Variants in AGBL1 observed in about 807,000 individuals in gnomAD.
AGBL1 encodes AGBL carboxypeptidase 1.
Under a neutral mutation model 118.9 loss-of-function variants are expected in AGBL1, and 130 were observed. That is an observed-to-expected ratio of 1.09 (90% CI 0.95 to 1.26). The LOEUF (loss-of-function observed/expected upper bound fraction) is 1.26, where lower values mean the gene tolerates loss of function less well. Among genes scored for constraint, AGBL1 ranks in the 50% most tolerant of loss-of-function variants. The pLI, the probability that AGBL1 is intolerant of heterozygous loss-of-function variation, is 0.00. For synonymous variants in AGBL1, 555 were observed against 478.9 expected (o/e 1.16, Z -2.08); for missense variants, 1,584 against 1,298.1 (o/e 1.22, Z -3.38).
chr15:86,786,139 G>T (rs2078409341), intron 22 of AGBL1, among the ~76,000 whole-genome samples: 1 of 151,964 alleles, frequency 6.6e-6, no homozygotes, highest in African/African-American at 2.4e-5. Flanking sequence ...AAGTTTTAGG[G>T]TACATGTGCA....
chr15:86,150,357 T>C (rs1368158105), intron 3 of AGBL1, among the ~76,000 whole-genome samples: 1 of 151,698 alleles, frequency 6.6e-6, no homozygotes, highest in Non-Finnish European at 1.5e-5. Flanking sequence ...TTTGAAAACA[T>C]CAACAAAATT....
intron 22 of AGBL1, among the ~76,000 whole-genome samples, chr15:86,773,797 G>A (rs900388342): frequency 4.0e-5 from 6 of 151,898 alleles, no homozygotes; most frequent in Admixed American, 2.0e-4. Context: ...GAAAAAAGCA[G>A]AGCAGCTAGG....
At chr15:86,793,229 C>A (rs1253753906) in intron 22 of AGBL1, among the ~76,000 whole-genome samples, 3 of 152,130 alleles carry the variant, frequency 2.0e-5, no homozygotes, top group Admixed American at 6.5e-5. Context: ...AAATCTGATG[C>A]TCAAAGAATG....
intron 17 of AGBL1, among the ~76,000 whole-genome samples, chr15:86,341,861 C>T (rs4887221): frequency 0.77 from 116,814 of 151,796 alleles, 45,602 homozygotes; most frequent in African/African-American, 0.8. Context: ...AATAGTAACA[C>T]TTTTTTTTAA....
intron 21 of AGBL1, among the ~76,000 whole-genome samples, chr15:86,660,322 C>G (rs1301009573): frequency 6.6e-6 from 1 of 151,984 alleles, no homozygotes; most frequent in Non-Finnish European, 1.5e-5. Context: ...ATTGCTACAG[C>G]TATACATAAA....
intron 22 of AGBL1, among the ~76,000 whole-genome samples, chr15:86,896,835 G>A (rs1307688855): frequency 1.3e-5 from 2 of 151,896 alleles, no homozygotes; most frequent in Non-Finnish European, 2.9e-5. Context: ...TTATAACATA[G>A]TTCTGTGCTC....
intron 21 of AGBL1, among the ~76,000 whole-genome samples, chr15:86,610,225 T>G (rs553478098): frequency 6.6e-6 from 1 of 152,334 alleles, no homozygotes; most frequent in South Asian, 2.1e-4. Flanking sequence ...GTGATATATG[T>G]GGATAGTTGA....
intron 21 of AGBL1, among the ~76,000 whole-genome samples, chr15:86,638,250 G>A (rs1434738015): frequency 6.6e-6 from 1 of 152,186 alleles, no homozygotes. Flanking sequence ...ATTGTGTTTT[G>A]TGTAGTGACC....
intron 6 of AGBL1, among the ~76,000 whole-genome samples, chr15:86,231,598 C>A (rs1461773634): frequency 6.6e-6 from 1 of 152,152 alleles, no homozygotes; most frequent in African/African-American, 2.4e-5. Flanking sequence ...AAATATCTAC[C>A]ATTTAGCAAG....
chr15:86,549,378 C>A (rs994772190), intron 20 of AGBL1, among the ~76,000 whole-genome samples: 2 of 152,100 alleles, frequency 1.3e-5, no homozygotes, highest in Middle Eastern at 3.4e-3. Flanking sequence ...ATTGTATAAC[C>A]ACTAGGCCAA....
intron 22 of AGBL1, among the ~76,000 whole-genome samples, chr15:86,879,264 A>G (rs912356738): frequency 3.3e-5 from 5 of 152,200 alleles, no homozygotes; most frequent in Admixed American, 6.5e-5. Context: ...GACCCAGGTC[A>G]ACGCAGGGCT....
chr15:86,978,812 G>A (rs6496378), intron 23 of AGBL1, among the ~76,000 whole-genome samples: 111,176 of 152,068 alleles, frequency 0.73, 40,757 homozygotes, highest in South Asian at 0.86. Flanking sequence ...CTCTTACTAT[G>A]TCTTGTCATC....
intron 24 of AGBL1, among the ~76,000 whole-genome samples, chr15:87,010,225 A>G (rs1567285567): frequency 2.0e-5 from 3 of 152,128 alleles, no homozygotes; most frequent in South Asian, 2.1e-4. Flanking sequence ...ATGATAGTGA[A>G]TAAGTCTCAT....
chr15:86,402,191 T>G (rs570496254), intron 18 of AGBL1, among the ~76,000 whole-genome samples: 5 of 151,764 alleles, frequency 3.3e-5, no homozygotes, highest in South Asian at 2.1e-4. Context: ...TTCTAGGTTA[T>G]TTATTTATTT....
chr15:86,449,713 A>G (rs1169692177), intron 18 of AGBL1, among the ~76,000 whole-genome samples: 2 of 152,202 alleles, frequency 1.3e-5, no homozygotes, highest in Non-Finnish European at 2.9e-5. Flanking sequence ...AGCTGGGACT[A>G]GGCAGCAGAA....
At chr15:86,214,543 C>A (rs2078153647) in intron 5 of AGBL1, among the ~76,000 whole-genome samples, 1 of 152,136 alleles carries the variant, frequency 6.6e-6, no homozygotes, top group Non-Finnish European at 1.5e-5. Context: ...GTAATGTTTG[C>A]CTTAAGTGCT....
At chr15:86,819,951 C>T (rs959276229) in intron 22 of AGBL1, among the ~76,000 whole-genome samples, 58 of 152,162 alleles carry the variant, frequency 3.8e-4, no homozygotes, top group African/African-American at 1.4e-3. Flanking sequence ...GATATATAGA[C>T]CAATGGAACA....
chr15:86,949,600 G>T (rs2141668223), intron 23 of AGBL1, among the ~76,000 whole-genome samples: 1 of 151,916 alleles, frequency 6.6e-6, no homozygotes, highest in African/African-American at 2.4e-5. Flanking sequence ...AAAAAGAAAG[G>T]GGTTACATAA....
intron 23 of AGBL1, among the ~76,000 whole-genome samples, chr15:86,956,396 A>G (rs1162085346): frequency 6.6e-6 from 1 of 152,152 alleles, no homozygotes; most frequent in East Asian, 1.9e-4. Flanking sequence ...GATAAATTCT[A>G]AGACATTGGC....
Sources: allele counts gnomAD v4.1 joint callset (sites outside exome capture counted in the v4.1 genomes callset), GRCh38; gene constraint gnomAD v4.1.1; transcripts MANE v1.5; gene names NCBI Gene and HGNC (gene_info 2026-07-23, HGNC 2026-07-21).